ARPP21: variants seen among roughly 807,000 people sequenced by gnomAD.
ARPP21 encodes cAMP-regulated phosphoprotein 21.
In ARPP21, 69 loss-of-function variants were observed where a neutral mutation model predicts 113.2. The observed-to-expected ratio is 0.61, with a 90% CI of 0.50 to 0.74. The LOEUF (loss-of-function observed/expected upper bound fraction) is 0.74. ARPP21 is among the 30% of genes least tolerant of loss of function. The pLI is 0.00. For missense variants in ARPP21, 1,070 were observed against 1,037.4 expected (o/e 1.03, Z -0.43); for synonymous variants, 368 against 375.5 (o/e 0.98, Z 0.23).
chr3:35,687,402 A>T (rs2080951344), intron 5 of ARPP21, among the ~76,000 whole-genome samples: 1 of 150,958 alleles, frequency 6.6e-6, no homozygotes, highest in African/African-American at 2.4e-5. Flanking sequence ...GGCTGTGATG[A>T]GAGCTTACTG....
At chr3:35,718,469 G>C (rs934440031) in intron 13 of ARPP21, among the ~76,000 whole-genome samples, 1 of 152,008 alleles carries the variant, frequency 6.6e-6, no homozygotes, top group East Asian at 1.9e-4. Flanking sequence ...AGTTTGTTTA[G>C]GGTGATATAG....
At chr3:35,782,917 C>T (rs1559951013) in intron 19 of ARPP21, among the ~76,000 whole-genome samples, 1 of 152,132 alleles carries the variant, frequency 6.6e-6, no homozygotes, top group Non-Finnish European at 1.5e-5. Flanking sequence ...TTCTTCCTGT[C>T]TGGCTGATGT....
chr3:35,671,029 CTT>C (rs1361048901), intron 1 of ARPP21, among the ~76,000 whole-genome samples: 1 of 152,146 alleles, frequency 6.6e-6, no homozygotes, highest in African/African-American at 2.4e-5. Flanking sequence ...TTGAGACACT[CTT>C]TTGCATATTT....
intron 9 of ARPP21, among the ~76,000 whole-genome samples, chr3:35,699,597 G>T (rs933848885): frequency 1.4e-4 from 21 of 151,644 alleles, no homozygotes; most frequent in African/African-American, 4.6e-4. Flanking sequence ...TCTCAGAGGA[G>T]CATAGCCTTT....
At chr3:35,699,278 G>C (rs1041406774) in intron 9 of ARPP21, among the ~76,000 whole-genome samples, 10 of 151,522 alleles carry the variant, frequency 6.6e-5, no homozygotes, top group Non-Finnish European at 1.5e-4. Flanking sequence ...TCCTCAATCT[G>C]CATCTTTGCT....
In ARPP21 at chr3:35,683,768, T is replaced by C; in HGVS notation, c.214T>C (p.Cys72Arg). 6.5e-7 allele frequency: 1 copy of C among 1,548,912 alleles called. No individual in the cohort carries two copies. Among genetic ancestry groups the C allele is most frequent in the Non-Finnish European group, 8.9e-7 (1 of 1,122,456 alleles). ...KGKLTRSLAVCEESSARPGGE... is the reference protein window; with the variant it reads ...KGKLTRSLAVREESSARPGGE... ...TAAACTGACTCGCAGCCTTGCTGTC[T>C]GTGAGGAATCTTCTGCCAGACCAGG... The change falls in exon 5 of 21, where the codon TGT becomes CGT. Residue 72 changes from cysteine (C) to arginine (R), a missense_variant. By Grantham distance (180) the Cys-to-Arg change is radical. Transcript: ENST00000684406.
intron 19 of ARPP21, among the ~76,000 whole-genome samples, chr3:35,744,287 T>G (rs1403980810): frequency 6.6e-6 from 1 of 152,208 alleles, no homozygotes; most frequent in Non-Finnish European, 1.5e-5. Context: ...TTTTTTCTTT[T>G]CAATTTGAAG....
intron 19 of ARPP21, among the ~76,000 whole-genome samples, chr3:35,765,166 A>G (rs1292218588): frequency 6.6e-6 from 1 of 152,162 alleles, no homozygotes; most frequent in Non-Finnish European, 1.5e-5. Context: ...AACAATATAT[A>G]CACTGATAAT....
At chr3:35,714,648 T>C (rs1447574301) in intron 11 of ARPP21, among the ~76,000 whole-genome samples, 1 of 152,192 alleles carries the variant, frequency 6.6e-6, no homozygotes, top group Non-Finnish European at 1.5e-5. Context: ...TCTAGACTTC[T>C]CTTTTGTATT....
At chr3:35,698,682 TA>T (rs2085038950) in intron 9 of ARPP21, among the ~76,000 whole-genome samples, 1 of 151,598 alleles carries the variant, frequency 6.6e-6, no homozygotes, top group Non-Finnish European at 1.5e-5. Flanking sequence ...GAATTAACAT[TA>T]ACAGGCTTAA....
chr3:35,642,418 G>A (rs1678684789), intron 1 of ARPP21: 2 of 152,154 alleles, frequency 1.3e-5, no homozygotes, highest in Non-Finnish European at 1.5e-5. Flanking sequence ...GGTAAAGGCT[G>A]ACCATTGGAT....
rs954362971 is a variant in ARPP21 at position 35,679,875 on chromosome 3, G to A, written c.-124G>A. 2 of 152,312 alleles carry A rather than the reference G, an allele frequency of 1.3e-5. No individual in the cohort carries two copies. Among genetic ancestry groups the A allele is most frequent in the Non-Finnish European group, 2.9e-5 (2 of 67,898 alleles). The allele number at this position is 152,312 out of a possible 1,614,324, so 9.4% of individuals were successfully genotyped here. A position where few individuals can be genotyped will look rare whatever the true frequency, so the allele number is the denominator to read the frequency against. ...GGGACATGGGACTCCAGTTGTCTCT[G>A]ATCACTTGTGTGGATTTTCCTGGCG... On this transcript the variant is annotated 5_prime_UTR_variant, in exon 2 of 21. It removes the in-frame stop codon of an upstream open reading frame in the 5' UTR. Transcript: ENST00000684406.
In ARPP21 at chr3:35,679,881, T is replaced by C. The variant is rs1276918614; in HGVS notation, c.-118T>C. 1 of 152,350 alleles carries C rather than the reference T, an allele frequency of 6.6e-6. No individual in the cohort carries two copies. The highest frequency in any genetic ancestry group is 2.4e-5 in the African/African-American group (1 of 41,422). 9.4% of individuals were successfully genotyped at this position (152,350 alleles called of 1,614,324 possible). A position where few individuals can be genotyped will look rare whatever the true frequency, so the allele number is the denominator to read the frequency against. On this transcript the variant is annotated 5_prime_UTR_variant, in exon 2 of 21. Transcript: ENST00000684406. ...TGGGACTCCAGTTGTCTCTGATCAC[T>C]TGTGTGGATTTTCCTGGCGTAGAAC...
intron 1 of ARPP21, among the ~76,000 whole-genome samples, chr3:35,662,226 C>A (rs1321861358): frequency 1.3e-5 from 2 of 152,096 alleles, no homozygotes; most frequent in Non-Finnish European, 2.9e-5. Flanking sequence ...CATGTGCGTA[C>A]TGTATGTAGT....
intron 19 of ARPP21, among the ~76,000 whole-genome samples, chr3:35,779,626 A>G (rs1213052513): frequency 6.6e-6 from 1 of 151,932 alleles, no homozygotes; most frequent in Non-Finnish European, 1.5e-5. Flanking sequence ...TTAGAAAAGC[A>G]AGTAATACCA....
chr3:35,710,295 T>C (rs1187995513), intron 11 of ARPP21, among the ~76,000 whole-genome samples: 1 of 152,152 alleles, frequency 6.6e-6, no homozygotes, highest in Non-Finnish European at 1.5e-5. Flanking sequence ...TAGAATTTTA[T>C]TATGGTCAGA....
At chr3:35,675,926 A>G (rs891611252) in intron 1 of ARPP21, among the ~76,000 whole-genome samples, 4 of 151,884 alleles carry the variant, frequency 2.6e-5, no homozygotes, top group Non-Finnish European at 5.9e-5. Flanking sequence ...TGTCATCAAT[A>G]TGTCAGAGGA....
chr3:35,748,336 G>GA (rs1467789479), intron 19 of ARPP21, among the ~76,000 whole-genome samples: 1 of 101,768 alleles, frequency 9.8e-6, no homozygotes, highest in Admixed American at 1.1e-4. Context: ...AAGAAAGAAA[G>GA]AAAAGAAAGG....
At chr3:35,693,471 C>G (rs138022001) in intron 9 of ARPP21, among the ~76,000 whole-genome samples, 102 of 151,278 alleles carry the variant, frequency 6.7e-4, no homozygotes, top group African/African-American at 2.3e-3. Flanking sequence ...TTTTAGCACA[C>G]GAAAAAAGAG....
Sources: allele counts gnomAD v4.1 joint callset (sites outside exome capture counted in the v4.1 genomes callset), GRCh38; gene constraint gnomAD v4.1.1; transcripts MANE v1.5; gene names NCBI Gene and HGNC (gene_info 2026-07-23, HGNC 2026-07-21).